MGA: variants seen among roughly 807,000 people sequenced by gnomAD.
MGA encodes the protein MAX gene-associated protein.
MGA carries 40 observed loss-of-function variants against 261.1 expected under a neutral mutation model. The observed-to-expected ratio is 0.15, with a 90% CI of 0.12 to 0.20. The LOEUF (loss-of-function observed/expected upper bound fraction) is 0.20. Among genes scored for constraint, MGA ranks in the 10% least tolerant of loss-of-function variants. The pLI is 1.00. For missense variants in MGA, 3,397 were observed against 3,630.5 expected (o/e 0.94, Z 1.65); for synonymous variants, 1,302 against 1,290.6 (o/e 1.01, Z -0.19).
intron 1 of MGA, among the ~76,000 whole-genome samples, chr15:41,646,672 T>C (rs1306416466): frequency 6.6e-6 from 1 of 151,838 alleles, no homozygotes; most frequent in East Asian, 2.0e-4. Flanking sequence ...ATCATGCCGC[T>C]GTACTCCAGC....
intron 2 of MGA, among the ~76,000 whole-genome samples, chr15:41,695,334 A>G (rs765577997): frequency 2.6e-5 from 4 of 152,094 alleles, no homozygotes; most frequent in South Asian, 2.1e-4. Flanking sequence ...GACTACTGGC[A>G]TGTGCTACCA....
chr15:41,744,744 G>A (rs1202557022), intron 15 of MGA, among the ~76,000 whole-genome samples: 1 of 152,110 alleles, frequency 6.6e-6, no homozygotes, highest in African/African-American at 2.4e-5. Flanking sequence ...TTCTTCTGTA[G>A]TTCTGTTGTT....
intron 2 of MGA, among the ~76,000 whole-genome samples, chr15:41,689,200 A>G (rs904927545): frequency 6.6e-6 from 1 of 151,950 alleles, no homozygotes; most frequent in Non-Finnish European, 1.5e-5. Flanking sequence ...ATAAGCCTCT[A>G]AACCTTGTTA....
chr15:41,692,128 T>G (rs1487824410), intron 2 of MGA, among the ~76,000 whole-genome samples: 2 of 152,240 alleles, frequency 1.3e-5, no homozygotes, highest in Non-Finnish European at 2.9e-5. Flanking sequence ...TGTTTGTTTC[T>G]CTGTCCTTCA....
rs1595632833 is a variant in MGA at position 41,668,906 on chromosome 15, A to G, written c.12A>G (p.Lys4=). Residue 4 remains lysine (K), a synonymous_variant, in exon 2 of 24, where the codon AAA becomes AAG. Transcript: ENST00000219905. ...TTCCTACTGAAATCATGGAGGAGAA[A>G]CAGCAGATTATATTGGCTAATCAAG... is the stretch of plus-strand genomic sequence containing the variant. 1 of 1,561,930 alleles carries G rather than the reference A, an allele frequency of 6.4e-7. No homozygotes were observed. Among genetic ancestry groups the G allele is most frequent in the East Asian group, 2.3e-5 (1 of 44,108 alleles).
chr15:41,688,466 T>G (rs180780853), intron 2 of MGA, among the ~76,000 whole-genome samples: 1 of 152,376 alleles, frequency 6.6e-6, no homozygotes, highest in African/African-American at 2.4e-5. Flanking sequence ...TTTTCCCTCC[T>G]TGTACTTTAA....
Position 41,766,893 on chromosome 15 carries a change from C to T in MGA, c.8811C>T (p.Ser2937=), listed in dbSNP as rs767791253. The stretch of plus-strand genomic sequence containing the variant: ...TTATTGACTCTGAAATAAAGGATTC[C>T]CTCCTTTCCAACAAGAAAGCTATTG... The change falls in exon 24 of 24, where the codon TCC becomes TCT. Residue 2937 remains serine (S), a synonymous_variant. Transcript: ENST00000219905. 1 of 1,613,984 alleles carries T rather than the reference C, an allele frequency of 6.2e-7. No individual in the cohort carries two copies. Among genetic ancestry groups the T allele is most frequent in the East Asian group, 2.2e-5 (1 of 44,890 alleles).
chr15:41,656,377 T>TCTCTCTCTCTCTCTCTCTCTCA (rs1555403733), upstream of MGA, among the ~76,000 whole-genome samples: 156 of 68,126 alleles, frequency 2.3e-3, 3 homozygotes, highest in East Asian at 0.022. Flanking sequence ...TCTCTCTCTC[T>TCTCTCTCTCTCTCTCTCTCTCA]CACACCCAGG....
At chr15:41,632,301 T>C (rs927544220) in intron 1 of MGA, among the ~76,000 whole-genome samples, 2 of 152,238 alleles carry the variant, frequency 1.3e-5, no homozygotes, top group South Asian at 4.1e-4. Flanking sequence ...GTGTCTACTC[T>C]GTTGATAACA....
At chr15:41,737,009 G>T (rs1050397317) in intron 13 of MGA, among the ~76,000 whole-genome samples, 2 of 152,028 alleles carry the variant, frequency 1.3e-5, no homozygotes, top group Admixed American at 6.5e-5. Flanking sequence ...ATAAAGCAAG[G>T]GTAATCAGGG....
rs71108132 is a variant in MGA at position 41,764,252 on chromosome 15, ATTTTTTT to A, written c.7745-621_7745-615del. The stretch of plus-strand genomic sequence containing the variant: ...GAGCCAAAAAAAATCTGGTGTGGGT[ATTTTTTT>A]TTTTTTTTTTTTGAGACGGAGTCTC... On this transcript the variant is annotated intron_variant, in intron 22 of 23. Coordinates refer to ENST00000219905, the MANE Select transcript of MGA (RefSeq NM_001164273.2). Among the ~76,000 whole-genome samples the A allele has an allele frequency of 2.7e-5, 3 of 109,726 alleles. No individual in the cohort carries two copies. The East Asian group carries it at 8.1e-4, about 30-fold the overall frequency. 72.0% of individuals were successfully genotyped at this position (109,726 alleles called of 152,430 possible).
intron 1 of MGA, among the ~76,000 whole-genome samples, chr15:41,660,919 C>T (rs1222964475): frequency 6.6e-6 from 1 of 152,188 alleles, no homozygotes; most frequent in Non-Finnish European, 1.5e-5. Context: ...GGCTCTAGGT[C>T]GAGAGCCACG....
chr15:41,706,024 G>T (rs2060092327), intron 5 of MGA, among the ~76,000 whole-genome samples: 2 of 152,120 alleles, frequency 1.3e-5, no homozygotes, highest in Middle Eastern at 3.4e-3. Flanking sequence ...GGATTACGAG[G>T]TCAGGATTTC....
At chr15:41,706,010 G>T (rs975677979) in intron 5 of MGA, among the ~76,000 whole-genome samples, 2 of 151,992 alleles carry the variant, frequency 1.3e-5, no homozygotes, top group Admixed American at 1.3e-4. Context: ...AGGCCGAGGC[G>T]GGCGGATTAC....
chr15:41,646,128 A>G (rs1023252808), intron 1 of MGA, among the ~76,000 whole-genome samples: 2 of 152,108 alleles, frequency 1.3e-5, no homozygotes, highest in African/African-American at 4.8e-5. Context: ...ATAAACTGAA[A>G]AAGTTTATTT....
intron 1 of MGA, among the ~76,000 whole-genome samples, chr15:41,622,362 A>G (rs2056322638): frequency 6.6e-6 from 1 of 152,012 alleles, no homozygotes; most frequent in Non-Finnish European, 1.5e-5. Flanking sequence ...ATAATTTAAC[A>G]AATTCTTAAA....
intron 2 of MGA, among the ~76,000 whole-genome samples, chr15:41,694,187 G>A (rs1242239616): frequency 1.3e-5 from 2 of 152,106 alleles, no homozygotes; most frequent in Non-Finnish European, 2.9e-5. Flanking sequence ...GGAGGCTGAG[G>A]TGGGCGGATC....
intron 5 of MGA, among the ~76,000 whole-genome samples, chr15:41,700,800 G>C (rs1004170509): frequency 3.9e-5 from 6 of 152,112 alleles, no homozygotes; most frequent in Admixed American, 1.3e-4. Flanking sequence ...AGGCATCTTG[G>C]AGTAGTTTTT....
In MGA at chr15:41,750,602, A is replaced by T; in HGVS notation, c.6995A>T (p.Asp2332Val). The T allele has an allele frequency of 6.2e-7, 1 of 1,606,232 alleles. No homozygotes were observed. Among genetic ancestry groups the T allele is most frequent in the Non-Finnish European group, 8.5e-7 (1 of 1,176,538 alleles). Reference sequence around the variant, plus strand: ...TCTGACTACCAGAGTGAGGAGGTTGATGATGTAGAAAAGGTGGTGAGCCCA... The same window carrying T: ...TCTGACTACCAGAGTGAGGAGGTTGTTGATGTAGAAAAGGTGGTGAGCCCA... Residue 2332 changes from aspartate to valine, a missense_variant, in exon 17 of 24, where the codon GAT becomes GTT. By Grantham distance (152) the Asp-to-Val change is radical (BLOSUM62 -3). Transcript: ENST00000219905.
Sources: gnomAD v4.1 joint callset for allele counts (sites outside exome capture counted in the v4.1 genomes callset) on GRCh38, gnomAD v4.1.1 for gene constraint, MANE v1.5 for transcripts, NCBI Gene and HGNC (gene_info 2026-07-23, HGNC 2026-07-21) for gene names.